The following LARGE1 variants were observed in gnomAD, a reference collection of about 807,000 sequenced individuals.
LARGE1 encodes the protein xylosyl- and glucuronyltransferase LARGE1.
A neutral mutation model predicts 87.6 loss-of-function variants in LARGE1; 43 were observed. That is an observed-to-expected ratio of 0.49 (90% confidence interval 0.38 to 0.63). The LOEUF (loss-of-function observed/expected upper bound fraction) is 0.63. Ranked by LOEUF, LARGE1 falls within the 30% of genes least tolerant of loss-of-function variation. LARGE1 has a pLI of 0.00. For synonymous variants in LARGE1, 434 were observed against 394.6 expected (o/e 1.10, Z -1.18); for missense variants, 802 against 1,000.2 (o/e 0.80, Z 2.67).
the LARGE1 span, among the ~76,000 whole-genome samples, chr22:33,110,939 G>A: frequency 1.3e-5 from 2 of 152,182 alleles, no homozygotes; most frequent in African/African-American, 4.8e-5. Context: ...AATTCCATGT[G>A]AGGCAGAGGT....
chr22:33,229,739 G>A (rs1268930958), intron 11 of LARGE1, among the ~76,000 whole-genome samples: 2 of 152,028 alleles, frequency 1.3e-5, no homozygotes, highest in Non-Finnish European at 2.9e-5. Flanking sequence ...AATATTTGGC[G>A]AGACAATGGC....
chr22:33,755,035 T>C (rs2084458542), intron 2 of LARGE1, among the ~76,000 whole-genome samples: 1 of 152,192 alleles, frequency 6.6e-6, no homozygotes. Context: ...GATTCCCCCA[T>C]AATAATAAGG....
At chr22:33,306,672 G>C (rs1463227288) in intron 11 of LARGE1, among the ~76,000 whole-genome samples, 1 of 152,076 alleles carries the variant, frequency 6.6e-6, no homozygotes, top group African/African-American at 2.4e-5. Flanking sequence ...AGGAATTCAA[G>C]ACCAGCCTGA....
At chr22:33,255,984 C>G (rs1479439763) in intron 11 of LARGE1, among the ~76,000 whole-genome samples, 1 of 152,158 alleles carries the variant, frequency 6.6e-6, no homozygotes, top group African/African-American at 2.4e-5. Context: ...AGATTCCATG[C>G]TGACCTGTTT....
At chr22:33,902,375 A>G (rs546367189) in intron 1 of LARGE1, among the ~76,000 whole-genome samples, 10 of 152,174 alleles carry the variant, frequency 6.6e-5, no homozygotes, top group Non-Finnish European at 1.3e-4. Flanking sequence ...AAAAGTCATA[A>G]AACTCATTTC....
intron 1 of LARGE1, among the ~76,000 whole-genome samples, chr22:33,816,318 CTTATAAACAACAGGCAT>C (rs2086645533): frequency 1.3e-5 from 2 of 152,016 alleles, no homozygotes; most frequent in Non-Finnish European, 2.9e-5. Flanking sequence ...GACTAGGTAG[CTTATAAACAACAGGCAT>C]TTATTTCTTA....
intron 1 of LARGE1, among the ~76,000 whole-genome samples, chr22:33,822,907 A>C (rs1425131211): frequency 6.6e-6 from 1 of 152,146 alleles, no homozygotes; most frequent in Non-Finnish European, 1.5e-5. Context: ...GTAGAACATG[A>C]TCCCCCAAGT....
At chr22:33,245,939 C>A (rs1316868767) in intron 11 of LARGE1, among the ~76,000 whole-genome samples, 1 of 151,958 alleles carries the variant, frequency 6.6e-6, no homozygotes, top group Non-Finnish European at 1.5e-5. Context: ...AAACAGAATT[C>A]ATCCAAAAAA....
chr22:33,718,278 C>T (rs1569400850), intron 2 of LARGE1, among the ~76,000 whole-genome samples: 1 of 152,296 alleles, frequency 6.6e-6, no homozygotes, highest in East Asian at 1.9e-4. Context: ...AAGTGTGACC[C>T]ATCAGGACCT....
At chr22:33,827,401 A>G (rs1271852796) in intron 1 of LARGE1, among the ~76,000 whole-genome samples, 1 of 152,000 alleles carries the variant, frequency 6.6e-6, no homozygotes, top group Admixed American at 6.6e-5. Context: ...AGAAGGTCCT[A>G]TTACCCTCCT....
chr22:33,093,338 C>T, the LARGE1 span, among the ~76,000 whole-genome samples: 5 of 152,072 alleles, frequency 3.3e-5, no homozygotes, highest in Admixed American at 6.6e-5. Flanking sequence ...TGACAATAGG[C>T]GGATTAATAG....
At chr22:33,370,815 A>C (rs1355088818) in intron 9 of LARGE1, among the ~76,000 whole-genome samples, 1 of 149,772 alleles carries the variant, frequency 6.7e-6, no homozygotes, top group East Asian at 1.9e-4. Context: ...AATACCATCA[A>C]TAATTTAACA....
chr22:33,727,403 C>G (rs1007311150), intron 2 of LARGE1: 2 of 152,140 alleles, frequency 1.3e-5, no homozygotes, highest in Admixed American at 1.3e-4. Context: ...CAATGAGGAA[C>G]CAAGACCCAT....
chr22:33,201,476 A>G (rs1231464998), intron 11 of LARGE1, among the ~76,000 whole-genome samples: 3 of 152,116 alleles, frequency 2.0e-5, no homozygotes, highest in Non-Finnish European at 4.4e-5. Flanking sequence ...TAGAACAGGT[A>G]AGGGGTAACT....
At position 33,337,820 on chromosome 22, in the gene LARGE1, A is replaced by G; in HGVS notation, c.1132-19T>C. 6.2e-7 allele frequency: 1 copy of G among 1,613,982 alleles called. No homozygotes were observed. Among genetic ancestry groups the G allele is most frequent in the Non-Finnish European group, 8.5e-7 (1 of 1,179,960 alleles). Reference sequence around the variant, plus strand: ...GAATGACCTGGCAGGGAGATAAGGAAGTGGTCAGGTATGGCAGGGGTGGGG... The same window carrying G: ...GAATGACCTGGCAGGGAGATAAGGAGGTGGTCAGGTATGGCAGGGGTGGGG... On this transcript the variant is annotated intron_variant, in intron 9 of 14. Coordinates refer to ENST00000397394, the MANE Select transcript of LARGE1 (RefSeq NM_133642.5).
intron 11 of LARGE1, among the ~76,000 whole-genome samples, chr22:33,173,329 C>T (rs1440929468): frequency 6.6e-6 from 1 of 152,136 alleles, no homozygotes; most frequent in Non-Finnish European, 1.5e-5. Context: ...ACCAAGCCTG[C>T]CTTACAAAAG....
downstream of LARGE1, among the ~76,000 whole-genome samples, chr22:33,158,833 T>C (rs1308959755): frequency 1.3e-5 from 2 of 152,192 alleles, no homozygotes; most frequent in Non-Finnish European, 2.9e-5. Context: ...GCAGATAGAA[T>C]AGGGTGGAAT....
intron 1 of LARGE1, among the ~76,000 whole-genome samples, chr22:33,849,487 A>G (rs1334134230): frequency 1.3e-5 from 2 of 152,024 alleles, no homozygotes; most frequent in African/African-American, 4.8e-5. Context: ...GAGGGATGCG[A>G]TACATTATTA....
chr22:33,082,829 T>G, the LARGE1 span, among the ~76,000 whole-genome samples: 1 of 151,956 alleles, frequency 6.6e-6, no homozygotes, highest in Non-Finnish European at 1.5e-5. Context: ...ATCGAGACCA[T>G]CCTGGCTAAC....
Sources: gnomAD v4.1 joint callset for allele counts (sites outside exome capture counted in the v4.1 genomes callset) on GRCh38, gnomAD v4.1.1 for gene constraint, MANE v1.5 for transcripts, NCBI Gene and HGNC (gene_info 2026-07-23, HGNC 2026-07-21) for gene names.